Variants in RNF130 observed in about 807,000 individuals in gnomAD.
RNF130 encodes ring finger protein 130.
RNF130 carries 21 observed loss-of-function variants against 44.6 expected under a neutral mutation model. The observed-to-expected ratio is 0.47, with a 90% CI of 0.33 to 0.68. RNF130 has a LOEUF of 0.68. Ranked by LOEUF, RNF130 falls within the 30% of genes least tolerant of loss-of-function variation. The pLI is 0.02. For synonymous variants in RNF130, 214 were observed against 210.4 expected (o/e 1.02, Z -0.15); for missense variants, 479 against 560.6 (o/e 0.85, Z 1.47).
exon 8 of RNF130, chr5:179,916,538 C>T (rs977547858): frequency 2.0e-5 from 3 of 152,248 alleles, no homozygotes; most frequent in Non-Finnish European, 2.9e-5. Flanking sequence ...CAAATATCAT[C>T]AGACTCACTG....
intron 7 of RNF130, among the ~76,000 whole-genome samples, chr5:179,964,704 A>G (rs1321207429): frequency 6.6e-6 from 1 of 152,258 alleles, no homozygotes; most frequent in East Asian, 1.9e-4. Context: ...GGTGACTTTC[A>G]AAAGGTCACG....
In RNF130 at chr5:180,013,302, T is replaced by C. The variant is rs1230010873; in HGVS notation, c.452A>G (p.Asp151Gly). Residue 151 changes from aspartate to glycine, a missense_variant, in exon 3 of 9, where the codon GAT becomes GGT. Asp to Gly is a moderately conservative substitution (Grantham distance 94, BLOSUM62 -1). Around this residue, in one of 3 missense-constraint regions of RNF130, gnomAD observed 180 missense variants for 275.1 expected, o/e 0.65. Transcript: ENST00000521389. ...TTCTGTTATCATGACAGCAATAATATCTCCAGTGCCTGCAATATAAAATAA... is the reference window on the plus strand; with the variant it reads ...TTCTGTTATCATGACAGCAATAATACCTCCAGTGCCTGCAATATAAAATAA... ...PVTMTHPGTG[D>G]IIAVMITELR... The C allele has an allele frequency of 4.4e-6, 7 of 1,606,598 alleles. No homozygotes were observed. The highest frequency in any genetic ancestry group is 6.0e-6 in the Non-Finnish European group (7 of 1,176,104).
At chr5:180,054,173 A>G (rs1257885753) in intron 1 of RNF130, among the ~76,000 whole-genome samples, 1 of 152,122 alleles carries the variant, frequency 6.6e-6, no homozygotes, top group Non-Finnish European at 1.5e-5. Flanking sequence ...TTTCAGTAGA[A>G]CAGCTGTTTA....
chr5:180,051,238 A>ATATTTATTTATTTATTTATT (rs61340522), intron 1 of RNF130, among the ~76,000 whole-genome samples: 13,440 of 144,048 alleles, frequency 0.093, 799 homozygotes, highest in Non-Finnish European at 0.13. Flanking sequence ...TATAGATATT[A>ATATTTATTTATTTATTTATT]TATTTATTTA....
intron 5 of RNF130, among the ~76,000 whole-genome samples, chr5:179,974,935 T>G (rs906792060): frequency 1.3e-5 from 2 of 152,220 alleles, no homozygotes; most frequent in African/African-American, 4.8e-5. Context: ...TTGCTTCCTC[T>G]GGGCAGTCAA....
intron 7 of RNF130, among the ~76,000 whole-genome samples, chr5:179,945,810 C>G (rs908160478): frequency 6.6e-6 from 1 of 151,986 alleles, no homozygotes; most frequent in Non-Finnish European, 1.5e-5. Flanking sequence ...CTGTCCTGGG[C>G]AGTGCATGCA....
chr5:180,045,987 A>G (rs1764555700), intron 1 of RNF130, among the ~76,000 whole-genome samples: 1 of 152,164 alleles, frequency 6.6e-6, no homozygotes, highest in Non-Finnish European at 1.5e-5. Flanking sequence ...GATGGGACCG[A>G]GCCCCGTGGA....
intron 3 of RNF130, among the ~76,000 whole-genome samples, chr5:180,009,443 T>C (rs1377347568): frequency 1.3e-5 from 2 of 152,114 alleles, no homozygotes; most frequent in South Asian, 2.1e-4. Context: ...AAGACATGAA[T>C]GGATATTTCA....
At chr5:179,985,924 C>G (rs1762941643) in intron 3 of RNF130, among the ~76,000 whole-genome samples, 1 of 152,218 alleles carries the variant, frequency 6.6e-6, no homozygotes, top group African/African-American at 2.4e-5. Context: ...ATCTGGGAAC[C>G]TGACTTGACT....
chr5:179,998,858 T>TATA lies in RNF130; in HGVS notation c.693+14202_693+14203insTAT, dbSNP rs1197929183. Among the ~76,000 whole-genome samples the TATA allele has an allele frequency of 1.1e-4, 9 of 81,358 alleles. No homozygotes were observed. The East Asian group carries it at 1.5e-3, about 13-fold the overall frequency. 53.4% of individuals were successfully genotyped at this position (81,358 alleles called of 152,430 possible). On this transcript the variant is annotated intron_variant, in intron 3 of 8. Coordinates refer to ENST00000521389, the MANE Select transcript of RNF130 (RefSeq NM_018434.6). ...ATCTCTCTCTTTAGATCTAGTATTT[T>TATA]TTATATATATATATATATATATATA... is the stretch of plus-strand genomic sequence containing the variant.
intron 6 of RNF130, among the ~76,000 whole-genome samples, chr5:179,968,792 C>G (rs1013468434): frequency 1.3e-5 from 2 of 152,062 alleles, no homozygotes; most frequent in African/African-American, 4.8e-5. Flanking sequence ...CTGGCAACGT[C>G]TGGAGACATT....
chr5:179,988,638 C>A (rs1763008101), intron 3 of RNF130, among the ~76,000 whole-genome samples: 1 of 152,128 alleles, frequency 6.6e-6, no homozygotes, highest in Non-Finnish European at 1.5e-5. Context: ...AGAAATATCT[C>A]TTAATATATT....
intron 6 of RNF130, among the ~76,000 whole-genome samples, chr5:179,968,308 ACAAAC>A (rs774045775): frequency 0.025 from 3,821 of 151,562 alleles, 72 homozygotes; most frequent in Non-Finnish European, 0.041. Flanking sequence ...AAACAAACAA[ACAAAC>A]AAAAAAAGAA....
intron 4 of RNF130, among the ~76,000 whole-genome samples, chr5:179,978,526 C>G (rs1417515460): frequency 6.6e-6 from 1 of 152,108 alleles, no homozygotes; most frequent in African/African-American, 2.4e-5. Context: ...ATATGTCTTA[C>G]AAAAATTAAG....
chr5:179,976,428 T>C (rs76990465), intron 5 of RNF130, among the ~76,000 whole-genome samples: 1 of 152,198 alleles, frequency 6.6e-6, no homozygotes, highest in East Asian at 1.9e-4. Flanking sequence ...CATTCCAGTG[T>C]TGAAGCAGGC....
At chr5:180,062,636 A>G (rs1394729955) in intron 1 of RNF130, among the ~76,000 whole-genome samples, 1 of 152,258 alleles carries the variant, frequency 6.6e-6, no homozygotes, top group Non-Finnish European at 1.5e-5. Flanking sequence ...AGAGGACTTG[A>G]ATCAGACAAG....
intron 2 of RNF130, among the ~76,000 whole-genome samples, chr5:180,020,077 G>A (rs1582195250): frequency 1.3e-5 from 2 of 152,300 alleles, no homozygotes; most frequent in South Asian, 4.1e-4. Context: ...GGGAGAAAGG[G>A]AAGAGGCACT....
chr5:179,991,792 C>A (rs898535698), intron 3 of RNF130, among the ~76,000 whole-genome samples: 16 of 152,004 alleles, frequency 1.1e-4, no homozygotes, highest in Admixed American at 9.2e-4. Context: ...AATAATTATA[C>A]AAATCACCAT....
intron 7 of RNF130, among the ~76,000 whole-genome samples, chr5:179,921,506 A>C (rs1156374083): frequency 6.6e-6 from 1 of 152,246 alleles, no homozygotes; most frequent in Non-Finnish European, 1.5e-5. Flanking sequence ...GGCTGTTCTA[A>C]GATGGTCCTG....
Sources: allele counts gnomAD v4.1 joint callset (sites outside exome capture counted in the v4.1 genomes callset), GRCh38; gene constraint gnomAD v4.1.1; regional missense constraint gnomAD v4.1.1; transcripts MANE v1.5; gene names NCBI Gene and HGNC (gene_info 2026-07-23, HGNC 2026-07-21).